DIAPH2: variants seen among roughly 807,000 people sequenced by gnomAD.
DIAPH2 encodes protein diaphanous homolog 2.
DIAPH2 carries 35 observed loss-of-function variants against 92.7 expected under a neutral mutation model. The observed-to-expected ratio is 0.38, with a 90% CI of 0.29 to 0.50. The LOEUF is 0.50. Among genes scored for constraint, DIAPH2 ranks in the 20% least tolerant of loss-of-function variants. DIAPH2 has a pLI of 0.94. For synonymous variants in DIAPH2, 301 were observed against 280.4 expected (o/e 1.07, Z -0.73); for missense variants, 701 against 819.5 (o/e 0.86, Z 1.77).
chrX:97,401,248 A>G (rs1340159335), intron 25 of DIAPH2, among the ~76,000 whole-genome samples: 1 of 110,365 alleles, frequency 9.1e-6, no homozygotes, highest in African/African-American at 3.3e-5. Context: ...ATGATCTTTC[A>G]TTCCTATTGT....
intron 21 of DIAPH2, among the ~76,000 whole-genome samples, chrX:97,132,934 C>T (rs1461470985): frequency 9.0e-6 from 1 of 110,560 alleles, no homozygotes; most frequent in Non-Finnish European, 1.9e-5. Flanking sequence ...TTCCTGAGTA[C>T]AGCACCTGTT....
At chrX:97,439,359 G>A (rs2070228514) in intron 26 of DIAPH2, among the ~76,000 whole-genome samples, 1 of 111,106 alleles carries the variant, frequency 9.0e-6, no homozygotes, top group Non-Finnish European at 1.9e-5. Context: ...GGGATCACAA[G>A]GTCAGGAGTT....
At chrX:96,812,489 T>G (rs1178590864) in intron 4 of DIAPH2, among the ~76,000 whole-genome samples, 1 of 111,807 alleles carries the variant, frequency 8.9e-6, no homozygotes, top group Non-Finnish European at 1.9e-5. Context: ...TTCACTGATT[T>G]TTTTGAAGGG....
At chrX:97,399,869 C>A (rs1051949502) in intron 25 of DIAPH2, among the ~76,000 whole-genome samples, 1 of 112,526 alleles carries the variant, frequency 8.9e-6, no homozygotes, top group African/African-American at 3.2e-5. Context: ...ACCTCTCATA[C>A]TGTATACATT....
At chrX:97,038,684 T>G (rs1053764146) in intron 17 of DIAPH2, among the ~76,000 whole-genome samples, 1 of 110,467 alleles carries the variant, frequency 9.1e-6, no homozygotes, top group African/African-American at 3.3e-5. Flanking sequence ...TCATTGTCGC[T>G]TTAATTTTCA....
intron 15 of DIAPH2, among the ~76,000 whole-genome samples, chrX:96,950,840 G>A (rs1055113339): frequency 9.0e-5 from 10 of 111,419 alleles, no homozygotes; most frequent in African/African-American, 3.3e-4. Flanking sequence ...CCTAGGCTCT[G>A]ACTGCTCCCC....
At chrX:97,537,650 G>A in intron 26 of DIAPH2, among the ~76,000 whole-genome samples, 1 of 111,045 alleles carries the variant, frequency 9.0e-6, no homozygotes, top group Middle Eastern at 4.6e-3. Context: ...TCCATCTTCT[G>A]TGCTCACTCT....
intron 17 of DIAPH2, among the ~76,000 whole-genome samples, chrX:96,976,406 G>A (rs2065962474): frequency 9.0e-6 from 1 of 110,827 alleles, no homozygotes; most frequent in South Asian, 3.8e-4. Flanking sequence ...ACAGGTGTAA[G>A]CCACTGTGTC....
intron 9 of DIAPH2, among the ~76,000 whole-genome samples, chrX:96,930,155 CA>C (rs1338883311): frequency 9.0e-6 from 1 of 110,554 alleles, no homozygotes; most frequent in East Asian, 2.8e-4. Flanking sequence ...GATCTTAATT[CA>C]CTTCCATTAT....
chrX:96,813,950 C>G (rs1448517264), intron 4 of DIAPH2, among the ~76,000 whole-genome samples: 1 of 111,562 alleles, frequency 9.0e-6, no homozygotes, highest in Non-Finnish European at 1.9e-5. Context: ...TCTGGCTGCC[C>G]TTAGCCTTTT....
intron 25 of DIAPH2, among the ~76,000 whole-genome samples, chrX:97,397,330 C>G (rs1457712979): frequency 9.7e-6 from 1 of 102,854 alleles, no homozygotes; most frequent in African/African-American, 3.5e-5. Context: ...TTTGTTTGAA[C>G]CAGCACTGGA....
chrX:97,576,950 A>G (rs1457316006), intron 26 of DIAPH2, among the ~76,000 whole-genome samples: 1 of 111,848 alleles, frequency 8.9e-6, no homozygotes, highest in African/African-American at 3.2e-5. Context: ...AGGATAAAAT[A>G]GGGCATCTCA....
chrX:97,306,323 G>GGCAGGGCCA (rs2068746847), intron 23 of DIAPH2, among the ~76,000 whole-genome samples: 1 of 111,248 alleles, frequency 9.0e-6, no homozygotes, highest in South Asian at 3.8e-4. Flanking sequence ...AGCTTCAGGG[G>GGCAGGGCCA]GCAGGGCCAT....
At chrX:97,313,210 G>A (rs2068811965) in intron 23 of DIAPH2, among the ~76,000 whole-genome samples, 1 of 110,405 alleles carries the variant, frequency 9.1e-6, no homozygotes, top group Non-Finnish European at 1.9e-5. Flanking sequence ...AATAAATTCA[G>A]GCAGCTTTTT....
At chrX:96,710,049 G>A (rs1331975771) in intron 1 of DIAPH2, among the ~76,000 whole-genome samples, 1 of 111,510 alleles carries the variant, frequency 9.0e-6, no homozygotes, top group Non-Finnish European at 1.9e-5. Flanking sequence ...CTTATCCAGG[G>A]ACATACTTTC....
intron 26 of DIAPH2, among the ~76,000 whole-genome samples, chrX:97,443,584 G>A (rs2070281141): frequency 8.9e-6 from 1 of 111,844 alleles, no homozygotes; most frequent in African/African-American, 3.2e-5. Flanking sequence ...AATAGAAATT[G>A]TATTCTACAT....
chrX:97,087,042 G>C (rs915942168), intron 19 of DIAPH2, among the ~76,000 whole-genome samples: 4 of 111,663 alleles, frequency 3.6e-5, no homozygotes, highest in Non-Finnish European at 7.5e-5. Context: ...TCTTCTTCCA[G>C]TATTAGATGA....
chrX:96,769,620 G>A (rs1479651022), intron 4 of DIAPH2, among the ~76,000 whole-genome samples: 1 of 111,587 alleles, frequency 9.0e-6, no homozygotes, highest in Non-Finnish European at 1.9e-5. Context: ...TTGGTGGCTT[G>A]TAGTATCATT....
chrX:97,259,605 A>T (rs1212058006), intron 23 of DIAPH2, among the ~76,000 whole-genome samples: 1 of 111,514 alleles, frequency 9.0e-6, no homozygotes, highest in Non-Finnish European at 1.9e-5. Context: ...TAAAGTCAGA[A>T]TTGTTTCCAG....
Sources: allele counts gnomAD v4.1 joint callset (sites outside exome capture counted in the v4.1 genomes callset), GRCh38; gene constraint gnomAD v4.1.1; transcripts MANE v1.5; gene names NCBI Gene and HGNC (gene_info 2026-07-23, HGNC 2026-07-21).